The following BCL2 variants were observed in gnomAD, a reference collection of about 807,000 sequenced individuals.
The protein encoded by BCL2 is BCL2 apoptosis regulator, also known as apoptosis regulator Bcl-2.
In BCL2, 1 loss-of-function variant was observed where a neutral mutation model predicts 14.2. The ratio of observed to expected loss-of-function variants is 0.07; its 90% CI spans 0.02 to 0.33. The LOEUF (loss-of-function observed/expected upper bound fraction) is 0.33. Ranked by LOEUF, BCL2 falls within the 10% of genes least tolerant of loss-of-function variation. BCL2 has a pLI of 0.99. For missense variants in BCL2, 247 were observed against 305.9 expected (o/e 0.81, Z 1.44); for synonymous variants, 151 against 137.2 (o/e 1.10, Z -0.70).
chr18:63,190,579 CCCT>C (rs1212271463), intron 2 of BCL2, among the ~76,000 whole-genome samples: 1 of 152,222 alleles, frequency 6.6e-6, no homozygotes, highest in Non-Finnish European at 1.5e-5. Context: ...AGCCCATGCT[CCCT>C]GCAAGGGAAG....
chr18:63,168,294 A>G (rs1041969508), intron 2 of BCL2, among the ~76,000 whole-genome samples: 5 of 147,242 alleles, frequency 3.4e-5, no homozygotes, highest in Non-Finnish European at 6.0e-5. Context: ...GTGATGGCTC[A>G]TGGGCAGGAG....
At chr18:63,136,745 C>G (rs892577758) in intron 2 of BCL2, among the ~76,000 whole-genome samples, 3 of 152,230 alleles carry the variant, frequency 2.0e-5, no homozygotes, top group Non-Finnish European at 2.9e-5. Flanking sequence ...TATACACCAA[C>G]TCCTGCTATT....
At chr18:63,211,027 C>T (rs955272874) in intron 2 of BCL2, among the ~76,000 whole-genome samples, 1 of 149,974 alleles carries the variant, frequency 6.7e-6, no homozygotes, top group Non-Finnish European at 1.5e-5. Context: ...TGTCCTTTTG[C>T]AGCTTTTATT....
intron 2 of BCL2, among the ~76,000 whole-genome samples, chr18:63,274,481 C>T (rs138933301): frequency 0.012 from 1,843 of 152,028 alleles, 36 homozygotes; most frequent in African/African-American, 0.04. Context: ...GACAGGGTTT[C>T]ACCATGTTGG....
intron 2 of BCL2, among the ~76,000 whole-genome samples, chr18:63,132,336 C>T (rs1458509136): frequency 6.6e-6 from 1 of 152,234 alleles, no homozygotes; most frequent in Non-Finnish European, 1.5e-5. Flanking sequence ...ACACCTTGCT[C>T]TTGTCTGTCC....
At chr18:63,317,781 G>A in intron 2 of BCL2, 1 of 1,250,950 alleles carries the variant, frequency 8.0e-7, no homozygotes, top group South Asian at 2.4e-5. Flanking sequence ...TGGACCTTCA[G>A]CTTGAGAAAC....
intron 2 of BCL2, among the ~76,000 whole-genome samples, chr18:63,278,661 C>T (rs1912224995): frequency 1.3e-5 from 2 of 152,178 alleles, no homozygotes; most frequent in South Asian, 2.1e-4. Context: ...CCAGCCCAAT[C>T]TCTCTCCTCA....
At chr18:63,306,996 T>C (rs980160955) in intron 2 of BCL2, among the ~76,000 whole-genome samples, 4 of 152,192 alleles carry the variant, frequency 2.6e-5, no homozygotes, top group Non-Finnish European at 4.4e-5. Context: ...TGGCTCTCAC[T>C]TCCCACTTCC....
At chr18:63,218,697 C>CCACTCATCCCCATCCTCTACTCATTCCCG (rs1599252195) in intron 2 of BCL2, among the ~76,000 whole-genome samples, 21 of 1,914 alleles carry the variant, frequency 0.011, no homozygotes, top group Non-Finnish European at 0.017. Flanking sequence ...TCATCCCATT[C>CCACTCATCCCCATCCTCTACTCATTCCCG]TCCACTCATC....
At chr18:63,173,002 T>C (rs961815576) in intron 2 of BCL2, among the ~76,000 whole-genome samples, 7 of 152,226 alleles carry the variant, frequency 4.6e-5, no homozygotes, top group Non-Finnish European at 7.3e-5. Flanking sequence ...CTATAAATAG[T>C]AATTAAAAAC....
At chr18:63,170,825 G>T (rs925472264) in intron 2 of BCL2, among the ~76,000 whole-genome samples, 1 of 152,166 alleles carries the variant, frequency 6.6e-6, no homozygotes, top group Non-Finnish European at 1.5e-5. Flanking sequence ...TGTCATGGAC[G>T]GTCACTGGGC....
chr18:63,253,204 G>T (rs2144211229), intron 2 of BCL2, among the ~76,000 whole-genome samples: 1 of 152,272 alleles, frequency 6.6e-6, no homozygotes, highest in South Asian at 2.1e-4. Flanking sequence ...GTAATACGTG[G>T]CACTTAGCAG....
In BCL2 at chr18:63,124,567, C is replaced by T. The variant is rs1481802085; in HGVS notation, c.*4058G>A. The T allele has an allele frequency of 4.3e-6, 1 of 232,174 alleles. No individual in the cohort carries two copies. The highest frequency in any genetic ancestry group is 6.0e-5 in the East Asian group (1 of 16,564). 14.4% of individuals were successfully genotyped at this position (232,174 alleles called of 1,614,324 possible). ...AAAACTTCCAACTCCCTGATCCAAACTTGGGAATGTTTTACATTTAAAAAT... is the reference window on the plus strand; with the variant it reads ...AAAACTTCCAACTCCCTGATCCAAATTTGGGAATGTTTTACATTTAAAAAT... On this transcript the variant is annotated 3_prime_UTR_variant, in exon 3 of 3. Transcript: ENST00000333681.
chr18:63,154,622 C>A (rs1407033167), intron 2 of BCL2, among the ~76,000 whole-genome samples: 2 of 152,186 alleles, frequency 1.3e-5, no homozygotes. Context: ...GCCTTTTGCA[C>A]ACCTCTCCAC....
intron 2 of BCL2, among the ~76,000 whole-genome samples, chr18:63,252,791 G>T (rs1028551865): frequency 3.3e-5 from 5 of 152,172 alleles, no homozygotes; most frequent in African/African-American, 9.7e-5. Flanking sequence ...TTTATCAACA[G>T]CGTGAAAACA....
At chr18:63,136,460 A>T (rs8092560) in intron 2 of BCL2, among the ~76,000 whole-genome samples, 108,565 of 152,114 alleles carry the variant, frequency 0.71, 40,662 homozygotes, top group Non-Finnish European at 0.85. Flanking sequence ...TATTCATTCA[A>T]CAGTAAATCC....
In BCL2 at chr18:63,306,861, T is replaced by G. The variant is rs141377825; in HGVS notation, c.585+11221A>C. 8.8e-3 allele frequency among the ~76,000 whole-genome samples: 1,304 copies of G among 147,534 alleles called. 14 individuals are homozygous for G. The highest frequency in any genetic ancestry group is 0.024 in the African/African-American group (961 of 39,546). On this transcript the variant is annotated intron_variant, in intron 2 of 2. Coordinates refer to ENST00000333681, the MANE Select transcript of BCL2 (RefSeq NM_000633.3). ...TTTGTGCTTTTTTTTTTTTTTTAGCTCATCAGCTATCATTCGTGTTAGCGT... is the reference window on the plus strand; with the variant it reads ...TTTGTGCTTTTTTTTTTTTTTTAGCGCATCAGCTATCATTCGTGTTAGCGT...
intron 2 of BCL2, among the ~76,000 whole-genome samples, chr18:63,153,173 C>T (rs1914691731): frequency 6.6e-6 from 1 of 152,192 alleles, no homozygotes; most frequent in South Asian, 2.1e-4. Context: ...GTTCTCCTCT[C>T]GTTCTCTGCA....
intron 2 of BCL2, among the ~76,000 whole-genome samples, chr18:63,284,016 T>A (rs1568257658): frequency 6.6e-6 from 1 of 152,188 alleles, no homozygotes; most frequent in Non-Finnish European, 1.5e-5. Flanking sequence ...AAAATCCGGC[T>A]TTTGTCACTC....
Sources: gnomAD v4.1 joint callset for allele counts (sites outside exome capture counted in the v4.1 genomes callset) on GRCh38, gnomAD v4.1.1 for gene constraint, MANE v1.5 for transcripts, NCBI Gene and HGNC (gene_info 2026-07-23, HGNC 2026-07-21) for gene names.